SRD5A2: variants seen among roughly 807,000 people sequenced by gnomAD.
SRD5A2 encodes the protein steroid 5 alpha-reductase 2.
SRD5A2 carries 30 observed loss-of-function variants against 27.4 expected under a neutral mutation model. The ratio of observed to expected loss-of-function variants is 1.10; its 90% CI spans 0.82 to 1.49. SRD5A2 has a LOEUF of 1.49. Ranked by LOEUF, SRD5A2 falls within the 40% of genes most tolerant of loss-of-function variation. SRD5A2 has a pLI of 0.00. For missense variants in SRD5A2, 348 were observed against 323.4 expected (o/e 1.08, Z -0.58); for synonymous variants, 141 against 133.6 (o/e 1.06, Z -0.38).
chr2:31,568,343 G>A (rs993448469), intron 1 of SRD5A2, among the ~76,000 whole-genome samples: 12 of 152,156 alleles, frequency 7.9e-5, no homozygotes, highest in Admixed American at 1.3e-4. Flanking sequence ...TTCTTGTCCC[G>A]TGTCCGGGAA....
chr2:31,562,102 G>T (rs902527418), intron 1 of SRD5A2, among the ~76,000 whole-genome samples: 1 of 152,102 alleles, frequency 6.6e-6, no homozygotes, highest in Non-Finnish European at 1.5e-5. Flanking sequence ...ATAAATACAT[G>T]CCATTTCTCT....
At chr2:31,636,732 A>G in the SRD5A2 span, among the ~76,000 whole-genome samples, 1 of 152,102 alleles carries the variant, frequency 6.6e-6, no homozygotes, top group Admixed American at 6.6e-5. Context: ...TGAAATAATC[A>G]TATGGTTTTT....
At chr2:31,581,823 C>T (rs1667089335), upstream of SRD5A2, among the ~76,000 whole-genome samples, 1 of 152,130 alleles carries the variant, frequency 6.6e-6, no homozygotes. Flanking sequence ...GGTGGCCTGG[C>T]GACCCCGCTG....
At chr2:31,658,557 A>T in the SRD5A2 span, among the ~76,000 whole-genome samples, 8 of 140,560 alleles carry the variant, frequency 5.7e-5, no homozygotes, top group East Asian at 5.9e-4. Context: ...CCACAGAAAT[A>T]AAAAAAAAAA....
intron 1 of SRD5A2, among the ~76,000 whole-genome samples, chr2:31,540,434 ATAGGTT>A (rs1423787335): frequency 6.6e-6 from 1 of 152,202 alleles, no homozygotes; most frequent in Non-Finnish European, 1.5e-5. Flanking sequence ...TAACCAAACA[ATAGGTT>A]GATGACAAGA....
At chr2:31,637,151 T>G in the SRD5A2 span, among the ~76,000 whole-genome samples, 2 of 152,114 alleles carry the variant, frequency 1.3e-5, no homozygotes, top group African/African-American at 4.8e-5. Context: ...ATCTCATTAC[T>G]TGTAATTTGT....
intron 4 of SRD5A2, among the ~76,000 whole-genome samples, chr2:31,527,393 G>A (rs1275022725): frequency 6.6e-6 from 1 of 152,190 alleles, no homozygotes; most frequent in African/African-American, 2.4e-5. Flanking sequence ...CTGGTGGGCT[G>A]CCTCCGCCCG....
chr2:31,630,136 T>C, the SRD5A2 span, among the ~76,000 whole-genome samples: 1 of 152,194 alleles, frequency 6.6e-6, no homozygotes, highest in East Asian at 1.9e-4. Context: ...CCTCCCCTGA[T>C]TTCTACCCAG....
Position 31,526,059 on chromosome 2 carries a change from C to T in SRD5A2, c.*137G>A, listed in dbSNP as rs1665771323. 1.7e-6 allele frequency: 1 copy of T among 596,412 alleles called. No individual in the cohort carries two copies. The highest frequency in any genetic ancestry group is 2.6e-5 in the Admixed American group (1 of 37,842). The allele number at this position is 596,412 out of a possible 1,614,324, so 36.9% of individuals were successfully genotyped here. A position where few individuals can be genotyped will look rare whatever the true frequency, so the allele number is the denominator to read the frequency against. On this transcript the variant is annotated 3_prime_UTR_variant, in exon 5 of 5. Coordinates refer to ENST00000622030, the MANE Select transcript of SRD5A2 (RefSeq NM_000348.4). ...CTAAGCAGACACCACTCAGAATCCC[C>T]AGGCCAGCTGGCAGAACGCCAGGAG...
chr2:31,529,573 C>A, intron 3 of SRD5A2, 116 bp from the exon 4 acceptor site: 1 of 1,391,394 alleles, frequency 7.2e-7, no homozygotes, highest in Non-Finnish European at 9.7e-7. Context: ...GGGCTGGAGG[C>A]TCCCTCCATA....
intron 1 of SRD5A2, among the ~76,000 whole-genome samples, chr2:31,565,068 G>T (rs547005532): frequency 6.6e-6 from 1 of 151,764 alleles, no homozygotes; most frequent in Non-Finnish European, 1.5e-5. Flanking sequence ...TAACATAAGG[G>T]CAAGAGAGAA....
chr2:31,580,573 A>C (rs1667053333), intron 1 of SRD5A2, 47 bp downstream of exon 1: 1 of 1,457,800 alleles, frequency 6.9e-7, no homozygotes. Context: ...GGACGCCGGG[A>C]GCAGGGCAGT....
At chr2:31,656,513 G>C in the SRD5A2 span, among the ~76,000 whole-genome samples, 11 of 152,224 alleles carry the variant, frequency 7.2e-5, no homozygotes, top group East Asian at 2.1e-3. Context: ...TAAGTAACAA[G>C]GGCTCTGCCC....
intron 4 of SRD5A2, among the ~76,000 whole-genome samples, chr2:31,528,989 G>A (rs1298205808): frequency 6.6e-6 from 1 of 151,414 alleles, no homozygotes; most frequent in African/African-American, 2.5e-5. Flanking sequence ...ACCCAAGAAG[G>A]TGCAAGGCAC....
intron 1 of SRD5A2, among the ~76,000 whole-genome samples, chr2:31,559,446 T>C (rs946974809): frequency 1.3e-5 from 2 of 152,208 alleles, no homozygotes; most frequent in Non-Finnish European, 1.5e-5. Context: ...TGATACCATA[T>C]TTTAACTGAG....
At chr2:31,539,355 G>C (rs1255573651) in intron 1 of SRD5A2, among the ~76,000 whole-genome samples, 2 of 152,036 alleles carry the variant, frequency 1.3e-5, no homozygotes, top group Non-Finnish European at 2.9e-5. Context: ...ATGAGAAAAA[G>C]GGAAAAACCA....
chr2:31,539,090 C>T (rs906002274), intron 1 of SRD5A2, among the ~76,000 whole-genome samples: 1 of 152,194 alleles, frequency 6.6e-6, no homozygotes, highest in Admixed American at 6.5e-5. Context: ...TGCTTTTCCA[C>T]ATTCCTCCTG....
At chr2:31,527,000 C>T (rs1422031362) in intron 4 of SRD5A2, 2 of 152,134 alleles carry the variant, frequency 1.3e-5, no homozygotes, top group Non-Finnish European at 1.5e-5. Flanking sequence ...AGCTATAAGC[C>T]ACGGAACACC....
the SRD5A2 span, among the ~76,000 whole-genome samples, chr2:31,593,452 G>T: frequency 6.6e-5 from 10 of 152,080 alleles, no homozygotes; most frequent in Non-Finnish European, 8.8e-5. Context: ...AGAGCTCGAA[G>T]ACAAGGCTTT....
Sources: allele counts gnomAD v4.1 joint callset (sites outside exome capture counted in the v4.1 genomes callset), GRCh38; gene constraint gnomAD v4.1.1; transcripts MANE v1.5; gene names NCBI Gene and HGNC (gene_info 2026-07-23, HGNC 2026-07-21).